FRMD4A: variants seen among roughly 807,000 people sequenced by gnomAD.
The protein encoded by FRMD4A is FERM domain containing 4A.
A neutral mutation model predicts 129.1 loss-of-function variants in FRMD4A; 29 were observed. The ratio of observed to expected loss-of-function variants is 0.22; its 90% confidence interval spans 0.17 to 0.31. The LOEUF (loss-of-function observed/expected upper bound fraction) is 0.31. FRMD4A is among the 10% of genes least tolerant of loss of function. The pLI, the probability that FRMD4A is intolerant of heterozygous loss-of-function variation, is 1.00. For missense variants in FRMD4A, 1,272 were observed against 1,375.8 expected, an observed-to-expected ratio of 0.92 and a Z score of 1.19; for synonymous variants, 634 against 571.6, an observed-to-expected ratio of 1.11 and a Z score of -1.56.
chr10:14,018,234 C>T (rs1443696937), intron 2 of FRMD4A, among the ~76,000 whole-genome samples: 2 of 149,632 alleles, frequency 1.3e-5, no homozygotes, highest in East Asian at 2.0e-4. Flanking sequence ...ATCAGAAGGT[C>T]AGAAGATCAT....
intron 2 of FRMD4A, among the ~76,000 whole-genome samples, chr10:14,039,696 G>T (rs1014574552): frequency 1.3e-5 from 2 of 152,118 alleles, no homozygotes; most frequent in Non-Finnish European, 2.9e-5. Flanking sequence ...GCAACCATTT[G>T]TCTCTTATCT....
At chr10:14,026,345 C>T (rs1832985180) in intron 2 of FRMD4A, among the ~76,000 whole-genome samples, 1 of 152,046 alleles carries the variant, frequency 6.6e-6, no homozygotes, top group Admixed American at 6.6e-5. Flanking sequence ...AAATTAAGGG[C>T]AAAGATAAAG....
At chr10:14,156,045 G>A (rs1295020938) in intron 2 of FRMD4A, among the ~76,000 whole-genome samples, 1 of 152,142 alleles carries the variant, frequency 6.6e-6, no homozygotes, top group African/African-American at 2.4e-5. Context: ...CAGACACTGG[G>A]AAACTTTTTC....
intron 15 of FRMD4A, among the ~76,000 whole-genome samples, chr10:13,686,074 C>T (rs1342261947): frequency 6.6e-6 from 1 of 152,256 alleles, no homozygotes; most frequent in Non-Finnish European, 1.5e-5. Flanking sequence ...TCCCTGGGCA[C>T]ACGGTCCAGC....
intron 2 of FRMD4A, among the ~76,000 whole-genome samples, chr10:13,920,932 C>T (rs1204515230): frequency 6.6e-6 from 1 of 152,186 alleles, no homozygotes; most frequent in African/African-American, 2.4e-5. Flanking sequence ...GGCACTGCGC[C>T]ACACATGTTA....
At chr10:13,962,468 C>T (rs1287415606) in intron 2 of FRMD4A, among the ~76,000 whole-genome samples, 1 of 152,054 alleles carries the variant, frequency 6.6e-6, no homozygotes, top group Admixed American at 6.6e-5. Flanking sequence ...TTTGAAAAGG[C>T]AAGCGTTTGT....
intron 3 of FRMD4A, among the ~76,000 whole-genome samples, chr10:13,852,743 C>T (rs955008638): frequency 6.6e-6 from 1 of 152,150 alleles, no homozygotes; most frequent in African/African-American, 2.4e-5. Context: ...TGCTTGCACA[C>T]AGCTGGCGTG....
At chr10:13,840,180 G>A (rs2093940333) in intron 3 of FRMD4A, among the ~76,000 whole-genome samples, 1 of 152,282 alleles carries the variant, frequency 6.6e-6, no homozygotes, top group Admixed American at 6.5e-5. Flanking sequence ...TTTGGAGATA[G>A]GATCTTTAGG....
intron 6 of FRMD4A, among the ~76,000 whole-genome samples, chr10:13,779,049 T>A (rs1019101065): frequency 9.2e-5 from 14 of 152,298 alleles, no homozygotes; most frequent in Non-Finnish European, 1.5e-4. Context: ...CTGGGTGTGG[T>A]GGCTCATGCC....
chr10:13,739,741 C>T (rs925120305), intron 11 of FRMD4A, among the ~76,000 whole-genome samples: 6 of 152,136 alleles, frequency 3.9e-5, no homozygotes, highest in Non-Finnish European at 7.4e-5. Context: ...ATTGTCTCCC[C>T]GCAGTGTGCA....
chr10:13,748,909 C>T (rs2091427589), intron 8 of FRMD4A, among the ~76,000 whole-genome samples: 1 of 152,208 alleles, frequency 6.6e-6, no homozygotes, highest in South Asian at 2.1e-4. Flanking sequence ...CAGTTTTATG[C>T]ATCCGGTCCT....
At chr10:13,955,678 G>A (rs983910082) in intron 2 of FRMD4A, among the ~76,000 whole-genome samples, 5 of 152,222 alleles carry the variant, frequency 3.3e-5, no homozygotes, top group African/African-American at 1.2e-4. Flanking sequence ...CTGATGGCAA[G>A]CTTATTTGCC....
At position 13,646,950 on chromosome 10, in the gene FRMD4A, G is replaced by A. The variant is rs2081151781; in HGVS notation, c.*88C>T. 22 of 979,354 alleles carry A rather than the reference G, an allele frequency of 2.2e-5. No homozygotes were observed. The highest frequency in any genetic ancestry group is 2.7e-5 in the Non-Finnish European group (22 of 823,958). 60.7% of individuals were successfully genotyped at this position (979,354 alleles called of 1,614,324 possible). On this transcript the variant is annotated 3_prime_UTR_variant, in exon 25 of 25. Coordinates refer to ENST00000357447, the MANE Select transcript of FRMD4A (RefSeq NM_018027.5). ...GGGCTGGCTCACACGAGGGTCCCGG[G>A]CTTGGCTTTTTCCTGCCCGTACCAC...
chr10:13,826,708 G>C (rs918830153), intron 3 of FRMD4A, among the ~76,000 whole-genome samples: 1 of 152,062 alleles, frequency 6.6e-6, no homozygotes, highest in Non-Finnish European at 1.5e-5. Flanking sequence ...TGTCGTTTTC[G>C]ATACAATTAA....
intron 15 of FRMD4A, among the ~76,000 whole-genome samples, chr10:13,676,662 C>T (rs1439724153): frequency 6.6e-6 from 1 of 152,134 alleles, no homozygotes; most frequent in Non-Finnish European, 1.5e-5. Flanking sequence ...GGGGCTCACA[C>T]CATGCCATTG....
intron 2 of FRMD4A, among the ~76,000 whole-genome samples, chr10:14,173,540 C>T (rs946181444): frequency 2.4e-4 from 37 of 152,122 alleles, no homozygotes; most frequent in African/African-American, 6.5e-4. Context: ...AGAGGATTCC[C>T]TGGTCCTCCT....
chr10:13,813,604 C>T (rs1441064362), intron 3 of FRMD4A, among the ~76,000 whole-genome samples: 1 of 152,212 alleles, frequency 6.6e-6, no homozygotes, highest in Admixed American at 6.5e-5. Context: ...TAAAGGTGCT[C>T]TAAACACTGC....
intron 15 of FRMD4A, among the ~76,000 whole-genome samples, chr10:13,691,408 T>A (rs998908671): frequency 2.0e-5 from 3 of 152,174 alleles, no homozygotes; most frequent in African/African-American, 7.2e-5. Context: ...CCCTGGAGTC[T>A]GCCAGATACA....
At chr10:13,774,688 G>A (rs780917026) in intron 6 of FRMD4A, among the ~76,000 whole-genome samples, 1 of 152,174 alleles carries the variant, frequency 6.6e-6, no homozygotes, top group Non-Finnish European at 1.5e-5. Context: ...ACCCACTGGG[G>A]GACCATCCCA....
Sources: gnomAD v4.1 joint callset for allele counts (sites outside exome capture counted in the v4.1 genomes callset) on GRCh38, gnomAD v4.1.1 for gene constraint, MANE v1.5 for transcripts, NCBI Gene and HGNC (gene_info 2026-07-23, HGNC 2026-07-21) for gene names.